CLASP1: variants seen among roughly 807,000 people sequenced by gnomAD.
The protein encoded by CLASP1 is cytoplasmic linker associated protein 1.
In CLASP1, 38 loss-of-function variants were observed where a neutral mutation model predicts 192.3. The observed-to-expected ratio is 0.20, with a 90% CI of 0.15 to 0.26. The LOEUF (loss-of-function observed/expected upper bound fraction) is 0.26, where lower values mean the gene tolerates loss of function less well. Among genes scored for constraint, CLASP1 ranks in the 10% least tolerant of loss-of-function variants. CLASP1 has a pLI of 1.00. For missense variants in CLASP1, 1,433 were observed against 1,932.5 expected (o/e 0.74, Z 4.85); for synonymous variants, 691 against 712.8 (o/e 0.97, Z 0.49).
intron 2 of CLASP1, among the ~76,000 whole-genome samples, chr2:121,575,545 C>T (rs1322125270): frequency 1.3e-5 from 2 of 152,140 alleles, no homozygotes; most frequent in Non-Finnish European, 2.9e-5. Context: ...AGAGAAGATT[C>T]ATGGATAATA....
At chr2:121,530,938 T>TA in intron 2 of CLASP1, 1 of 700,434 alleles carries the variant, frequency 1.4e-6, no homozygotes. Context: ...AGGGCAGTAC[T>TA]GCTAACGCCT....
At chr2:121,598,965 A>C (rs2063458508) in intron 2 of CLASP1, among the ~76,000 whole-genome samples, 1 of 152,128 alleles carries the variant, frequency 6.6e-6, no homozygotes, top group Non-Finnish European at 1.5e-5. Flanking sequence ...TCCCAGGTTC[A>C]AGCAATTCTC....
chr2:121,641,777 T>C (rs1453200960), intron 1 of CLASP1, among the ~76,000 whole-genome samples: 2 of 152,234 alleles, frequency 1.3e-5, no homozygotes, highest in Non-Finnish European at 2.9e-5. Flanking sequence ...TTGGTAACAT[T>C]TTTGTGAAAC....
intron 2 of CLASP1, among the ~76,000 whole-genome samples, chr2:121,585,466 C>T (rs1462727580): frequency 6.6e-6 from 1 of 152,230 alleles, no homozygotes; most frequent in African/African-American, 2.4e-5. Flanking sequence ...ACTAAGTATA[C>T]TTGCTCTCCT....
At chr2:121,632,498 C>T (rs1340825773) in intron 1 of CLASP1, among the ~76,000 whole-genome samples, 1 of 151,704 alleles carries the variant, frequency 6.6e-6, no homozygotes, top group Non-Finnish European at 1.5e-5. Context: ...CATGATATGC[C>T]ATGCAACAGC....
chr2:121,471,354 A>C (rs2090690101), intron 8 of CLASP1, among the ~76,000 whole-genome samples: 1 of 152,196 alleles, frequency 6.6e-6, no homozygotes, highest in Non-Finnish European at 1.5e-5. Context: ...TGCAAAATTA[A>C]AGTTTATGTA....
intron 19 of CLASP1, among the ~76,000 whole-genome samples, chr2:121,440,817 CAG>C: frequency 8.8e-6 from 1 of 113,810 alleles, no homozygotes; most frequent in Admixed American, 8.1e-5. Flanking sequence ...GCACAAGTAA[CAG>C]AAAAAAAAAA....
At chr2:121,610,701 G>T (rs2065221802) in intron 1 of CLASP1, among the ~76,000 whole-genome samples, 2 of 140,806 alleles carry the variant, frequency 1.4e-5, no homozygotes, top group African/African-American at 5.4e-5. Flanking sequence ...AAGAGGAACT[G>T]GAGAAGGAGG....
chr2:121,377,767 G>T, intron 33 of CLASP1, 118 bp from the exon 35 acceptor site: 1 of 695,736 alleles, frequency 1.4e-6, no homozygotes. Context: ...TTGTTTATTG[G>T]GTGATTTGGA....
chr2:121,371,469 G>A (rs961146721), intron 34 of CLASP1, among the ~76,000 whole-genome samples: 1 of 151,800 alleles, frequency 6.6e-6, no homozygotes, highest in Admixed American at 6.6e-5. Flanking sequence ...GAACTCCTGG[G>A]CTCAAGCAAT....
At chr2:121,386,089 A>G (rs187212954) in intron 32 of CLASP1, among the ~76,000 whole-genome samples, 1 of 152,242 alleles carries the variant, frequency 6.6e-6, no homozygotes, top group African/African-American at 2.4e-5. Context: ...CTTATGTTCC[A>G]AAGTATTTAA....
chr2:121,515,259 T>C (rs369116760), intron 7 of CLASP1, among the ~76,000 whole-genome samples: 1 of 152,208 alleles, frequency 6.6e-6, no homozygotes, highest in African/African-American at 2.4e-5. Context: ...TTATAACTTA[T>C]GAATTTTTAT....
chr2:121,447,501 G>A, exon 19 of CLASP1: 1 of 1,552,294 alleles, frequency 6.4e-7, no homozygotes, highest in Non-Finnish European at 8.7e-7. Context: ...GGTACTAACT[G>A]TAGAAGCTTT....
chr2:121,464,354 T>C (rs1348882259), intron 9 of CLASP1, among the ~76,000 whole-genome samples: 1 of 152,160 alleles, frequency 6.6e-6, no homozygotes, highest in Non-Finnish European at 1.5e-5. Context: ...CCTTTGGGTA[T>C]ATACCCAGTA....
intron 8 of CLASP1, among the ~76,000 whole-genome samples, chr2:121,470,921 T>C (rs1186746016): frequency 2.6e-5 from 4 of 152,232 alleles, no homozygotes; most frequent in African/African-American, 9.6e-5. Flanking sequence ...TTAGTGAAGA[T>C]GAACATTTTT....
intron 12 of CLASP1, 31 bp downstream of exon 12, chr2:121,459,949 T>C (rs576911042): frequency 9.5e-6 from 15 of 1,583,140 alleles, no homozygotes; most frequent in African/African-American, 1.4e-5. Flanking sequence ...CACTATTTTA[T>C]GGTGAGAATA....
intron 2 of CLASP1, among the ~76,000 whole-genome samples, chr2:121,584,773 C>T (rs72971290): frequency 0.038 from 5,792 of 152,218 alleles, 154 homozygotes; most frequent in East Asian, 0.13. Context: ...CCAATGCACC[C>T]TCAACTAATG....
At chr2:121,638,615 A>G (rs1013496210) in intron 1 of CLASP1, among the ~76,000 whole-genome samples, 1 of 152,144 alleles carries the variant, frequency 6.6e-6, no homozygotes, top group African/African-American at 2.4e-5. Flanking sequence ...AAAATGTGGT[A>G]TATCCATACA....
chr2:121,589,038 G>T (rs1485233177), intron 2 of CLASP1, among the ~76,000 whole-genome samples: 1 of 152,112 alleles, frequency 6.6e-6, no homozygotes, highest in Non-Finnish European at 1.5e-5. Flanking sequence ...GTGAGTTGGG[G>T]TCATAAACAG....
Sources: gnomAD v4.1 joint callset for allele counts (sites outside exome capture counted in the v4.1 genomes callset) on GRCh38, gnomAD v4.1.1 for gene constraint, MANE v1.5 for transcripts, NCBI Gene and HGNC (gene_info 2026-07-23, HGNC 2026-07-21) for gene names.